The following DOCK1 variants were observed in gnomAD, a reference collection of about 807,000 sequenced individuals.
DOCK1 encodes the protein dedicator of cytokinesis protein 1.
Under a neutral mutation model 262.7 loss-of-function variants are expected in DOCK1, and 138 were observed. The observed-to-expected ratio is 0.53, with a 90% CI of 0.46 to 0.61. The LOEUF (loss-of-function observed/expected upper bound fraction) is 0.61. Among genes scored for constraint, DOCK1 ranks in the 20% least tolerant of loss-of-function variants. The pLI is 0.00. For synonymous variants in DOCK1, 866 were observed against 867.4 expected (o/e 1.00, Z 0.03); for missense variants, 1,908 against 2,370.7 (o/e 0.80, Z 4.05).
intron 29 of DOCK1, among the ~76,000 whole-genome samples, chr10:127,330,408 GA>G (rs1221721146): frequency 0.039 from 5,314 of 135,088 alleles, 321 homozygotes; most frequent in African/African-American, 0.13. Context: ...GGCTACATCA[GA>G]AAAAAAAAAA....
At chr10:127,020,311 TC>T (rs1032752813) in intron 13 of DOCK1, among the ~76,000 whole-genome samples, 1 of 152,200 alleles carries the variant, frequency 6.6e-6, no homozygotes, top group African/African-American at 2.4e-5. Flanking sequence ...TATCTTGGCA[TC>T]CTTAGGATGT....
chr10:126,958,610 G>A (rs1185531652), intron 1 of DOCK1, among the ~76,000 whole-genome samples: 1 of 152,126 alleles, frequency 6.6e-6, no homozygotes, highest in African/African-American at 2.4e-5. Context: ...AAGCAGGTAG[G>A]TTTTCTCTAG....
At chr10:127,385,763 G>T (rs7099084) in intron 38 of DOCK1, among the ~76,000 whole-genome samples, 4 of 152,168 alleles carry the variant, frequency 2.6e-5, no homozygotes, top group South Asian at 2.1e-4. Context: ...TTTTCCTTTG[G>T]GTGTGTTGCT....
intron 27 of DOCK1, among the ~76,000 whole-genome samples, chr10:127,224,778 C>A (rs1178708558): frequency 4.6e-5 from 7 of 151,588 alleles, no homozygotes; most frequent in African/African-American, 1.7e-4. Flanking sequence ...TTATCTATAT[C>A]TGTATATTTT....
intron 13 of DOCK1, among the ~76,000 whole-genome samples, chr10:127,021,024 G>T (rs2042384677): frequency 6.6e-6 from 1 of 152,172 alleles, no homozygotes; most frequent in South Asian, 2.1e-4. Context: ...CACTATGTCT[G>T]CTTCTAGTTC....
intron 27 of DOCK1, among the ~76,000 whole-genome samples, chr10:127,239,473 A>G (rs2059187272): frequency 6.6e-6 from 1 of 152,190 alleles, no homozygotes; most frequent in Admixed American, 6.5e-5. Flanking sequence ...TCTCCTTAAT[A>G]CATCATCCAA....
chr10:127,377,908 AAG>A (rs1491044601), intron 35 of DOCK1, among the ~76,000 whole-genome samples: 6 of 151,154 alleles, frequency 4.0e-5, no homozygotes, highest in Admixed American at 6.6e-5. Context: ...AAAAAAAAAA[AAG>A]AAGAAAGAAA....
chr10:127,416,820 G>T (rs960574919), intron 44 of DOCK1, among the ~76,000 whole-genome samples: 2 of 152,174 alleles, frequency 1.3e-5, no homozygotes, highest in African/African-American at 4.8e-5. Context: ...AATGTCGTAG[G>T]GCCTGGCAAA....
intron 12 of DOCK1, among the ~76,000 whole-genome samples, chr10:127,014,457 A>G (rs868245586): frequency 3.3e-5 from 5 of 152,322 alleles, no homozygotes; most frequent in Non-Finnish European, 4.4e-5. Flanking sequence ...GCATTAGTTT[A>G]TGTATTAAGA....
chr10:127,313,262 A>T (rs1343577538), intron 29 of DOCK1, among the ~76,000 whole-genome samples: 1 of 152,038 alleles, frequency 6.6e-6, no homozygotes, highest in Non-Finnish European at 1.5e-5. Context: ...CGATGCAATC[A>T]CTCTCAATAG....
At chr10:126,982,179 G>A (rs1280242303) in intron 4 of DOCK1, among the ~76,000 whole-genome samples, 1 of 152,146 alleles carries the variant, frequency 6.6e-6, no homozygotes, top group African/African-American at 2.4e-5. Context: ...TCTGAAGTCA[G>A]CACCATACTT....
intron 10 of DOCK1, 108 bp from the exon 11 acceptor site, chr10:127,008,624 G>A: frequency 1.1e-6 from 1 of 938,584 alleles, no homozygotes; most frequent in South Asian, 1.5e-5. Flanking sequence ...TGAGAAAACA[G>A]CTTTTGCTGT....
intron 25 of DOCK1, among the ~76,000 whole-genome samples, chr10:127,117,483 TA>T (rs1203529780): frequency 6.6e-6 from 1 of 152,220 alleles, no homozygotes; most frequent in East Asian, 1.9e-4. Flanking sequence ...AATAAGTGAA[TA>T]AATAAACATA....
chr10:127,349,744 C>T (rs2063796937), intron 31 of DOCK1, among the ~76,000 whole-genome samples: 1 of 152,144 alleles, frequency 6.6e-6, no homozygotes, highest in South Asian at 2.1e-4. Flanking sequence ...TATTCCCTGC[C>T]TCTCTCCTGG....
chr10:127,197,270 G>A (rs1384272879), intron 27 of DOCK1, among the ~76,000 whole-genome samples: 2 of 152,166 alleles, frequency 1.3e-5, no homozygotes, highest in Non-Finnish European at 2.9e-5. Context: ...CACACCACCC[G>A]TCAGCAGAAG....
chr10:127,162,894 A>T (rs1186129762), intron 27 of DOCK1, among the ~76,000 whole-genome samples: 1 of 152,114 alleles, frequency 6.6e-6, no homozygotes, highest in African/African-American at 2.4e-5. Flanking sequence ...TAAAATCCAG[A>T]AGACCTTTGT....
chr10:126,972,605 G>A (rs978826258), intron 2 of DOCK1, among the ~76,000 whole-genome samples: 2 of 152,186 alleles, frequency 1.3e-5, no homozygotes, highest in East Asian at 3.9e-4. Flanking sequence ...AAGACATCCC[G>A]TAGTAATCAG....
At chr10:126,949,180 C>A (rs890186730) in intron 1 of DOCK1, among the ~76,000 whole-genome samples, 74 of 152,138 alleles carry the variant, frequency 4.9e-4, no homozygotes, top group Middle Eastern at 6.8e-3. Flanking sequence ...CATTGATTCC[C>A]GAAGGTGTTT....
At chr10:127,106,125 CTTTCTCTTCTCAGTA>C (rs1357651839) in intron 23 of DOCK1, 91 bp from the exon 24 acceptor site, 1 of 1,175,718 alleles carries the variant, frequency 8.5e-7, no homozygotes, top group Non-Finnish European at 1.2e-6. Context: ...TGGAAGTGAT[CTTTCTCTTCTCAGTA>C]TTTCTGCGGT....
Sources: allele counts gnomAD v4.1 joint callset (sites outside exome capture counted in the v4.1 genomes callset), GRCh38; gene constraint gnomAD v4.1.1; transcripts MANE v1.5; gene names NCBI Gene and HGNC (gene_info 2026-07-23, HGNC 2026-07-21).